Variants in DPP10 observed in about 807,000 individuals in gnomAD.
DPP10 encodes the protein dipeptidyl peptidase like 10, also known as inactive dipeptidyl peptidase 10.
Under a neutral mutation model 120.9 loss-of-function variants are expected in DPP10, and 33 were observed. The observed-to-expected ratio is 0.27, with a 90% CI of 0.21 to 0.37. DPP10 has a LOEUF of 0.37. DPP10 is among the 10% of genes least tolerant of loss of function. The pLI is 1.00. For missense variants in DPP10, 816 were observed against 942.8 expected, an observed-to-expected ratio of 0.87 and a Z score of 1.76; for synonymous variants, 337 against 326.1, an observed-to-expected ratio of 1.03 and a Z score of -0.36.
intron 1 of DPP10, among the ~76,000 whole-genome samples, chr2:115,265,376 GTTA>G (rs769208230): frequency 1.3e-5 from 2 of 151,368 alleles, no homozygotes; most frequent in South Asian, 4.2e-4. Flanking sequence ...TTAATAAACA[GTTA>G]TTATTAGGCA....
chr2:115,802,558 G>C (rs929755114), intron 19 of DPP10, among the ~76,000 whole-genome samples: 2,716 of 152,102 alleles, frequency 0.018, 79 homozygotes, highest in African/African-American at 0.06. Flanking sequence ...GCTTTCTGTT[G>C]TGGGCATTTA....
At chr2:114,627,190 A>G (rs1269428191) in intron 1 of DPP10, among the ~76,000 whole-genome samples, 2 of 152,106 alleles carry the variant, frequency 1.3e-5, no homozygotes, top group Non-Finnish European at 2.9e-5. Flanking sequence ...TTTGCTAGTT[A>G]TGATGCAAGG....
chr2:114,823,510 C>T (rs1181032041), intron 1 of DPP10, among the ~76,000 whole-genome samples: 1 of 152,024 alleles, frequency 6.6e-6, no homozygotes, highest in African/African-American at 2.4e-5. Flanking sequence ...CTTATGATGC[C>T]CTGTAACCTT....
intron 1 of DPP10, among the ~76,000 whole-genome samples, chr2:115,088,759 A>AAAAAAAAAAAAAC (rs1553485540): frequency 2.0e-5 from 3 of 149,818 alleles, no homozygotes; most frequent in Non-Finnish European, 4.5e-5. Flanking sequence ...ACAAAAAAAA[A>AAAAAAAAAAAAAC]AAAAAAAAAA....
At chr2:115,304,626 A>G (rs933773122) in intron 1 of DPP10, among the ~76,000 whole-genome samples, 24 of 152,090 alleles carry the variant, frequency 1.6e-4, no homozygotes, top group Admixed American at 5.9e-4. Context: ...TCTTTTCAGA[A>G]TACATATGGC....
intron 5 of DPP10, among the ~76,000 whole-genome samples, chr2:115,663,994 CAATAAT>C (rs70941084): frequency 1.3e-5 from 2 of 148,870 alleles, no homozygotes; most frequent in African/African-American, 5.0e-5. Context: ...GACTCCATCT[CAATAAT>C]AATAATAATA....
chr2:115,289,485 C>CAAAAAAAAAAAAAAA, intron 1 of DPP10, among the ~76,000 whole-genome samples: 1 of 38,922 alleles, frequency 2.6e-5, no homozygotes, highest in Non-Finnish European at 4.9e-5. Flanking sequence ...CATAAGAAAC[C>CAAAAAAAAAAAAAAA]AAAAAAAAAA....
intron 11 of DPP10, among the ~76,000 whole-genome samples, chr2:115,757,651 A>G (rs866358441): frequency 4.5e-4 from 69 of 152,224 alleles, no homozygotes; most frequent in African/African-American, 1.4e-3. Context: ...TATCAGCACA[A>G]ATATGAGAAA....
chr2:115,626,603 T>C (rs1294320214), intron 5 of DPP10, among the ~76,000 whole-genome samples: 3 of 152,146 alleles, frequency 2.0e-5, no homozygotes, highest in Non-Finnish European at 2.9e-5. Context: ...TCTGTATATA[T>C]TGTATGAAAG....
intron 1 of DPP10, among the ~76,000 whole-genome samples, chr2:115,186,936 C>T (rs531712813): frequency 2.7e-5 from 4 of 147,012 alleles, no homozygotes; most frequent in African/African-American, 5.0e-5. Context: ...CAGAGGATGT[C>T]GACAAAGGAC....
intron 4 of DPP10, among the ~76,000 whole-genome samples, chr2:115,516,603 C>T (rs2148861060): frequency 7.1e-6 from 1 of 141,660 alleles, no homozygotes; most frequent in Admixed American, 7.2e-5. Flanking sequence ...AAGTGAATTG[C>T]ACATTCAGAA....
intron 5 of DPP10, among the ~76,000 whole-genome samples, chr2:115,551,297 A>T (rs1366793090): frequency 6.6e-6 from 1 of 152,138 alleles, no homozygotes; most frequent in Non-Finnish European, 1.5e-5. Flanking sequence ...GTGCAATATA[A>T]TTTTAAAATT....
intron 7 of DPP10, among the ~76,000 whole-genome samples, chr2:115,704,891 G>T (rs900072714): frequency 6.6e-6 from 1 of 151,914 alleles, no homozygotes; most frequent in African/African-American, 2.4e-5. Flanking sequence ...TATTAAAGAA[G>T]TGTATTTCTA....
At position 115,814,800 on chromosome 2, in the gene DPP10, G is replaced by A; in HGVS notation, c.1708G>A (p.Glu570Lys). Reference protein sequence around the residue: ...QYALLLIMDEEPGGQLVTDKF... With the variant: ...QYALLLIMDEKPGGQLVTDKF... Reference sequence around the variant, plus strand: ...ATATGTTGGTATTTGCAGGGATGAAGAACCAGGAGGCCAGCTGGTTACAGA... The same window carrying A: ...ATATGTTGGTATTTGCAGGGATGAAAAACCAGGAGGCCAGCTGGTTACAGA... Residue 570 changes from glutamate to lysine, a missense_variant, in exon 20 of 26, where the codon GAA (glutamate) becomes AAA (lysine). By Grantham distance (56) the Glu-to-Lys change is moderately conservative. Around this residue, in one of 3 missense-constraint regions of DPP10, gnomAD observed 592 missense variants for 649.0 expected, o/e 0.91. Coordinates refer to ENST00000410059, the MANE Select transcript of DPP10 (RefSeq NM_020868.6). The A allele has an allele frequency of 6.5e-7, 1 of 1,541,754 alleles. No individual in the cohort carries two copies.
At chr2:115,269,554 T>C (rs181753937) in intron 1 of DPP10, among the ~76,000 whole-genome samples, 6 of 152,244 alleles carry the variant, frequency 3.9e-5, no homozygotes, top group Non-Finnish European at 5.9e-5. Context: ...GGGGTCTCAG[T>C]TTTCTGCTGT....
intron 9 of DPP10, among the ~76,000 whole-genome samples, chr2:115,744,362 G>T (rs1677678843): frequency 6.7e-6 from 1 of 150,230 alleles, no homozygotes; most frequent in Non-Finnish European, 1.5e-5. Context: ...GGAGAAACAT[G>T]ACAACTAAAT....
chr2:115,058,276 CAAAAAAAAAAAAAAAA>C (rs556050613), intron 1 of DPP10, among the ~76,000 whole-genome samples: 10 of 114,036 alleles, frequency 8.8e-5, no homozygotes, highest in African/African-American at 2.6e-4. Context: ...CATAAAGGGA[CAAAAAAAAAAAAAAAA>C]AAAAAAAAAA....
At chr2:115,672,979 C>T (rs1351856908) in intron 5 of DPP10, among the ~76,000 whole-genome samples, 1 of 152,038 alleles carries the variant, frequency 6.6e-6, no homozygotes, top group African/African-American at 2.4e-5. Flanking sequence ...AAACTCCTGA[C>T]CTCAGGTGAT....
intron 1 of DPP10, chr2:115,162,210 T>A (rs1204838886): frequency 1.3e-6 from 2 of 1,556,502 alleles, no homozygotes; most frequent in Admixed American, 3.9e-5. Flanking sequence ...AGCCTCTGCG[T>A]GCGCTCCGGG....
Sources: gnomAD v4.1 joint callset for allele counts (sites outside exome capture counted in the v4.1 genomes callset) on GRCh38, gnomAD v4.1.1 for gene constraint, gnomAD v4.1.1 regional missense constraint, MANE v1.5 for transcripts, NCBI Gene and HGNC (gene_info 2026-07-23, HGNC 2026-07-21) for gene names.